The following PPP3CA variants were observed in gnomAD, a reference collection of about 807,000 sequenced individuals.
The protein encoded by PPP3CA is protein phosphatase 3 catalytic subunit alpha.
PPP3CA carries 14 observed loss-of-function variants against 66.5 expected under a neutral mutation model. That is an observed-to-expected ratio of 0.21 (90% CI 0.14 to 0.33). The LOEUF is 0.33. Among genes scored for constraint, PPP3CA ranks in the 10% least tolerant of loss-of-function variants. The pLI is 1.00. For synonymous variants in PPP3CA, 232 were observed against 226.2 expected (o/e 1.03, Z -0.23); for missense variants, 317 against 639.5 (o/e 0.50, Z 5.44).
chr4:101,185,425 T>C (rs966353623), intron 2 of PPP3CA, among the ~76,000 whole-genome samples: 8 of 152,298 alleles, frequency 5.3e-5, no homozygotes, highest in South Asian at 2.1e-4. Context: ...TCTAACACAG[T>C]ACTTGAAAGC....
chr4:101,051,690 C>A (rs1458509907), intron 10 of PPP3CA, among the ~76,000 whole-genome samples: 2 of 152,014 alleles, frequency 1.3e-5, no homozygotes, highest in Admixed American at 6.6e-5. Flanking sequence ...ATAAAGAATG[C>A]ATTAAGGTTT....
At chr4:101,327,457 C>G (rs1173421470) in intron 1 of PPP3CA, among the ~76,000 whole-genome samples, 2 of 151,314 alleles carry the variant, frequency 1.3e-5, no homozygotes, top group African/African-American at 4.9e-5. Context: ...TTTAAAATTT[C>G]ACTCATAAGA....
intron 10 of PPP3CA, among the ~76,000 whole-genome samples, chr4:101,050,424 T>C (rs1011525305): frequency 6.6e-6 from 1 of 152,104 alleles, no homozygotes; most frequent in African/African-American, 2.4e-5. Context: ...ATAAAAGACC[T>C]TGGTCTAAGT....
intron 1 of PPP3CA, among the ~76,000 whole-genome samples, chr4:101,334,138 CT>C (rs796447504): frequency 0.11 from 15,893 of 145,138 alleles, 2,701 homozygotes; most frequent in African/African-American, 0.37. Flanking sequence ...CCAAGTGACA[CT>C]TTTTTTTTTT....
chr4:101,060,196 T>A (rs1299115162), intron 10 of PPP3CA, among the ~76,000 whole-genome samples: 1 of 151,986 alleles, frequency 6.6e-6, no homozygotes, highest in Non-Finnish European at 1.5e-5. Flanking sequence ...CAAGATTTCC[T>A]CCCACTTTAG....
intron 1 of PPP3CA, among the ~76,000 whole-genome samples, chr4:101,238,401 T>G (rs1726194671): frequency 6.6e-6 from 1 of 151,840 alleles, no homozygotes; most frequent in Admixed American, 6.6e-5. Context: ...AAATAACAGG[T>G]TTTTTTACAA....
intron 1 of PPP3CA, among the ~76,000 whole-genome samples, chr4:101,235,948 G>A (rs1244228862): frequency 1.3e-5 from 2 of 151,146 alleles, no homozygotes; most frequent in Non-Finnish European, 3.0e-5. Context: ...CAAAAAGCAA[G>A]TAAAAATGTC....
At chr4:101,340,298 A>C (rs1293321881) in intron 1 of PPP3CA, among the ~76,000 whole-genome samples, 1 of 152,192 alleles carries the variant, frequency 6.6e-6, no homozygotes, top group Non-Finnish European at 1.5e-5. Context: ...AGCATGGATA[A>C]GGAAAACAAA....
At chr4:101,095,925 C>T (rs1730176497) in intron 5 of PPP3CA, among the ~76,000 whole-genome samples, 1 of 152,148 alleles carries the variant, frequency 6.6e-6, no homozygotes, top group South Asian at 2.1e-4. Context: ...GCTGGGATTA[C>T]AGGCGTGAGG....
chr4:101,074,761 A>G (rs1729107190), intron 8 of PPP3CA, among the ~76,000 whole-genome samples: 1 of 152,242 alleles, frequency 6.6e-6, no homozygotes, highest in Non-Finnish European at 1.5e-5. Flanking sequence ...ATCAGCAATT[A>G]TATCAAGTTG....
At position 101,325,312 on chromosome 4, in the gene PPP3CA, T is replaced by C. The variant is rs905037698; in HGVS notation, c.58+21427A>G. Among the ~76,000 whole-genome samples, 15 of 152,356 alleles carry C rather than the reference T, an allele frequency of 9.8e-5. No homozygotes were observed. The South Asian group carries it at 2.7e-3, about 27-fold the overall frequency. On this transcript the variant is annotated intron_variant, in intron 1 of 13. Transcript: ENST00000394854. ...TCAAAAGGTAGGGCCTGAAATTCTG[T>C]ATTTCTACCATGCTTCCAGGCAATG...
At chr4:101,268,626 C>T (rs1578612724) in intron 1 of PPP3CA, among the ~76,000 whole-genome samples, 1 of 152,058 alleles carries the variant, frequency 6.6e-6, no homozygotes, top group South Asian at 2.1e-4. Flanking sequence ...TTTATCTCAC[C>T]TCTATACCTA....
chr4:101,308,924 T>C (rs947496601), intron 1 of PPP3CA, among the ~76,000 whole-genome samples: 4 of 152,170 alleles, frequency 2.6e-5, no homozygotes, highest in African/African-American at 7.2e-5. Flanking sequence ...TGGTCGGGCA[T>C]TGTGGCGCAT....
At chr4:101,341,186 G>A (rs2110342074) in intron 1 of PPP3CA, among the ~76,000 whole-genome samples, 1 of 141,214 alleles carries the variant, frequency 7.1e-6, no homozygotes, top group Admixed American at 7.6e-5. Flanking sequence ...AAAAGAAGTG[G>A]CCATTTTCTT....
chr4:101,303,663 C>T lies in PPP3CA; in HGVS notation c.58+43076G>A, dbSNP rs6826452. On this transcript the variant is annotated intron_variant, in intron 1 of 13. Transcript: ENST00000394854. The stretch of plus-strand genomic sequence containing the variant: ...ACAGGTTGTTAACAATAGACATTCT[C>T]GTACTCTATGTATTGGTATTCTCTA... Among the ~76,000 whole-genome samples the T allele has an allele frequency of 9.1e-3, 1,380 of 152,252 alleles. 18 individuals are homozygous for T. The highest frequency in any genetic ancestry group is 0.031 in the African/African-American group (1,283 of 41,558).
intron 2 of PPP3CA, among the ~76,000 whole-genome samples, chr4:101,153,832 C>G (rs893361152): frequency 2.0e-5 from 3 of 152,152 alleles, no homozygotes; most frequent in African/African-American, 7.2e-5. Flanking sequence ...ACTGTGTGCT[C>G]AGGCATACTT....
intron 10 of PPP3CA, among the ~76,000 whole-genome samples, chr4:101,045,271 T>C (rs772207986): frequency 6.6e-6 from 1 of 152,216 alleles, no homozygotes; most frequent in African/African-American, 2.4e-5. Flanking sequence ...ACAAATATTA[T>C]ATTGAAAGTA....
intron 1 of PPP3CA, among the ~76,000 whole-genome samples, chr4:101,265,994 G>C (rs530917581): frequency 2.5e-4 from 38 of 152,214 alleles, no homozygotes; most frequent in Non-Finnish European, 5.4e-4. Flanking sequence ...ACATGTTACT[G>C]CCTGTGGATG....
At chr4:101,167,482 C>T (rs1466725951) in intron 2 of PPP3CA, among the ~76,000 whole-genome samples, 1 of 152,086 alleles carries the variant, frequency 6.6e-6, no homozygotes, top group African/African-American at 2.4e-5. Context: ...GTTTTAGACA[C>T]TGGGAATAGG....
Sources: allele counts gnomAD v4.1 joint callset (sites outside exome capture counted in the v4.1 genomes callset), GRCh38; gene constraint gnomAD v4.1.1; transcripts MANE v1.5; gene names NCBI Gene and HGNC (gene_info 2026-07-23, HGNC 2026-07-21).